Variants in PLOD2 observed in about 807,000 individuals in gnomAD.
PLOD2 encodes the protein lysine hydroxylase 2.
A neutral mutation model predicts 101.0 loss-of-function variants in PLOD2; 65 were observed. That is an observed-to-expected ratio of 0.64 (90% CI 0.53 to 0.79). PLOD2 has a LOEUF of 0.79. Ranked by LOEUF, PLOD2 falls within the 30% of genes least tolerant of loss-of-function variation. The probability of loss-of-function intolerance (pLI) is 0.00; values close to 1 mark genes in which losing one functional copy is unlikely to be tolerated. For synonymous variants in PLOD2, 314 were observed against 302.9 expected (o/e 1.04, Z -0.38); for missense variants, 909 against 914.6 (o/e 0.99, Z 0.08).
intron 7 of PLOD2, among the ~76,000 whole-genome samples, chr3:146,094,525 G>A (rs2197907): frequency 1 from 151,621 of 152,286 alleles, 75,480 homozygotes; most frequent in East Asian, 1. Context: ...TACAACATAC[G>A]AGGGACGTGA....
Position 146,140,404 on chromosome 3 carries a change from G to A in PLOD2, c.110-16175C>T, listed in dbSNP as rs182751249. On this transcript the variant is annotated intron_variant, in intron 1 of 19. Coordinates refer to ENST00000282903, the MANE Select transcript of PLOD2 (RefSeq NM_182943.3). ...TCTGATTTCACTGTGACCTAGAAAC[G>A]AGGGTAAGCATTCAGTGTTTTGTCA... 2.3e-3 allele frequency among the ~76,000 whole-genome samples: 343 copies of A among 152,162 alleles called. 1 individual carries two copies. The highest frequency in any genetic ancestry group is 2.3e-3 in the South Asian group (11 of 4,824).
At chr3:146,110,197 C>T (rs777698861) in intron 4 of PLOD2, 88 bp downstream of exon 4, 1 of 1,125,242 alleles carries the variant, frequency 8.9e-7, no homozygotes, top group Non-Finnish European at 1.3e-6. Flanking sequence ...TTTAAAACTT[C>T]ATATCTAAAG....
At chr3:146,094,578 TAA>T (rs1454172059) in intron 7 of PLOD2, among the ~76,000 whole-genome samples, 2 of 152,004 alleles carry the variant, frequency 1.3e-5, no homozygotes, top group Admixed American at 6.6e-5. Flanking sequence ...CTCAAGGAAA[TAA>T]GAGAGAACAC....
intron 12 of PLOD2, among the ~76,000 whole-genome samples, chr3:146,080,913 A>G (rs908980039): frequency 2.0e-5 from 3 of 152,106 alleles, no homozygotes; most frequent in African/African-American, 7.2e-5. Context: ...CACAAGCAAC[A>G]CATCTTTTTA....
chr3:146,117,783 T>A (rs900376658), intron 3 of PLOD2, among the ~76,000 whole-genome samples: 3 of 152,078 alleles, frequency 2.0e-5, no homozygotes, highest in Non-Finnish European at 4.4e-5. Flanking sequence ...AATTTTATTA[T>A]CTTTTCTGTC....
intron 1 of PLOD2, among the ~76,000 whole-genome samples, chr3:146,132,142 A>G (rs2030950570): frequency 6.6e-6 from 1 of 152,154 alleles, no homozygotes; most frequent in Non-Finnish European, 1.5e-5. Flanking sequence ...ACCACAAATT[A>G]AGAGAAGTGC....
intron 1 of PLOD2, among the ~76,000 whole-genome samples, chr3:146,151,273 G>A (rs561143245): frequency 2.0e-5 from 3 of 152,214 alleles, no homozygotes; most frequent in East Asian, 1.9e-4. Flanking sequence ...TGAGGTGGGC[G>A]GATCACCTGA....
chr3:146,106,723 T>A (rs1014875894), intron 4 of PLOD2, 79 bp from the exon 5 acceptor site: 12 of 785,768 alleles, frequency 1.5e-5, no homozygotes, highest in Admixed American at 8.5e-5. Context: ...CACTGACCAG[T>A]TGAACAGAGT....
intron 15 of PLOD2, 113 bp from the exon 16 acceptor site, chr3:146,073,465 A>G (rs529730432): frequency 2.3e-6 from 1 of 438,208 alleles, no homozygotes; most frequent in Admixed American, 4.1e-5. Context: ...TGTATAGTGG[A>G]CAAAATAGTA....
At position 146,081,981 on chromosome 3, in the gene PLOD2, C is replaced by G; in HGVS notation, c.1233-118G>C. 5 of 735,612 alleles carry G rather than the reference C, an allele frequency of 6.8e-6. No individual in the cohort carries two copies. The South Asian group carries it at 1.2e-4, about 17-fold the overall frequency. The allele number at this position is 735,612 out of a possible 1,614,324, so 45.6% of individuals were successfully genotyped here. ...GACATATAACACAAGAAAGCTCATT[C>G]AACAAACCTGTAGTTAATAAAAATA... On this transcript the variant is annotated intron_variant, in intron 11 of 19. Transcript: ENST00000282903.
intron 7 of PLOD2, among the ~76,000 whole-genome samples, chr3:146,099,551 A>C: frequency 6.6e-6 from 1 of 150,708 alleles, no homozygotes; most frequent in Admixed American, 6.6e-5. Context: ...CAGCTGCCTA[A>C]TTTTTTTTCT....
intron 13 of PLOD2, among the ~76,000 whole-genome samples, chr3:146,078,279 T>C (rs1222659083): frequency 1.3e-5 from 2 of 151,716 alleles, no homozygotes; most frequent in South Asian, 2.1e-4. Context: ...CAAAATACTA[T>C]CACAAGTACT....
At chr3:146,089,639 C>T (rs1936907815) in intron 8 of PLOD2, among the ~76,000 whole-genome samples, 1 of 151,644 alleles carries the variant, frequency 6.6e-6, no homozygotes, top group South Asian at 2.1e-4. Flanking sequence ...CACATTACTC[C>T]ATTATCTGTA....
chr3:146,104,191 C>T (rs1937489741), intron 6 of PLOD2, 88 bp downstream of exon 6: 1 of 813,550 alleles, frequency 1.2e-6, no homozygotes, highest in Non-Finnish European at 2.2e-6. Context: ...TTAGTCACAG[C>T]CCCCAAATGG....
At position 146,084,947 on chromosome 3, in the gene PLOD2, T is replaced by C. The variant is rs1287837490; in HGVS notation, c.1232+222A>G. ...AACAGAAAAATGGGCCAAGTAACTG[T>C]ATTTGTGATTATAACTAATATTAAA... On this transcript the variant is annotated intron_variant, in intron 11 of 19. Transcript: ENST00000282903. Among the ~76,000 whole-genome samples the C allele has an allele frequency of 3.9e-5, 6 of 152,124 alleles. No individual in the cohort carries two copies. The South Asian group carries it at 1.2e-3, about 31-fold the overall frequency.
At position 146,073,275 on chromosome 3, in the gene PLOD2, AT is replaced by A; in HGVS notation, c.1743+11del. 1 of 1,033,498 alleles carries A rather than the reference AT, an allele frequency of 9.7e-7. No homozygotes were observed. Among genetic ancestry groups the A allele is most frequent in the Non-Finnish European group, 1.5e-6 (1 of 681,760 alleles). 64.0% of individuals were successfully genotyped at this position (1,033,498 alleles called of 1,614,324 possible). A position where few individuals can be genotyped will look rare whatever the true frequency, so the allele number is the denominator to read the frequency against. On this transcript the variant is annotated intron_variant, in intron 16 of 19. Transcript: ENST00000282903. ...GCAAAATTTTCTATACTTTGTAATC[AT>A]TAATACAAACCTGTTCAACTATATT...
chr3:146,072,100 C>G (rs1936163165), intron 17 of PLOD2, among the ~76,000 whole-genome samples: 1 of 151,698 alleles, frequency 6.6e-6, no homozygotes, highest in Admixed American at 6.6e-5. Context: ...ACACTGAATG[C>G]AAATGCAAAA....
At chr3:146,111,831 A>G (rs759323052) in intron 3 of PLOD2, among the ~76,000 whole-genome samples, 15 of 142,516 alleles carry the variant, frequency 1.1e-4, no homozygotes, top group Admixed American at 2.9e-4. Context: ...CCTCAAGACT[A>G]TAAGTTGTTG....
At chr3:146,136,431 T>A (rs187226999) in intron 1 of PLOD2, among the ~76,000 whole-genome samples, 1 of 152,210 alleles carries the variant, frequency 6.6e-6, no homozygotes, top group East Asian at 1.9e-4. Context: ...ACTTCTTGCA[T>A]AAAATTATTT....
Sources: gnomAD v4.1 joint callset for allele counts (sites outside exome capture counted in the v4.1 genomes callset) on GRCh38, gnomAD v4.1.1 for gene constraint, MANE v1.5 for transcripts, NCBI Gene and HGNC (gene_info 2026-07-23, HGNC 2026-07-21) for gene names.